The following TRIM42 variants were observed in gnomAD, a reference collection of about 807,000 sequenced individuals.
The protein encoded by TRIM42 is tripartite motif-containing protein 42.
In TRIM42, 59 loss-of-function variants were observed where a neutral mutation model predicts 64.9. That is an observed-to-expected ratio of 0.91 (90% confidence interval 0.74 to 1.13). The LOEUF (loss-of-function observed/expected upper bound fraction) is 1.13. Ranked by LOEUF, TRIM42 falls within the 50% of genes most tolerant of loss-of-function variation. TRIM42 has a pLI of 0.00. For synonymous variants in TRIM42, 354 were observed against 346.3 expected (o/e 1.02, Z -0.25); for missense variants, 878 against 929.5 (o/e 0.94, Z 0.72).
rs141361028 is a variant in TRIM42, at chr3:140,678,379, C to A, written c.150C>A (p.Cys50Ter). The change falls in exon 1 of 5, where the codon TGC (cysteine) becomes TGA (stop). Residue 50 changes from cysteine to a stop codon, truncating the protein, a stop_gained. Transcript: ENST00000286349. LOFTEE classifies it high-confidence loss of function. ...GCCCTTACAAAGATGAGCGGAACTG[C>A]CAGTTCTGCCACTGCACCTGTTCTG... ...FPCPYKDERN[C>*]QFCHCTCSES... 1.2e-6 allele frequency: 2 copies of A among 1,614,216 alleles called. No homozygotes were observed. Among genetic ancestry groups the A allele is most frequent in the Non-Finnish European group, 8.5e-7 (1 of 1,180,038 alleles).
chr3:140,690,735 C>T (rs1473128016), intron 3 of TRIM42, among the ~76,000 whole-genome samples: 1 of 151,782 alleles, frequency 6.6e-6, no homozygotes, highest in Non-Finnish European at 1.5e-5. Context: ...TGTCGACTGA[C>T]AGTAACAGAA....
At chr3:140,678,768 A>G (rs1458686727) in intron 1 of TRIM42, among the ~76,000 whole-genome samples, 198 bp downstream of exon 1, 1 of 152,202 alleles carries the variant, frequency 6.6e-6, no homozygotes, top group African/African-American at 2.4e-5. Context: ...TCCAAATCTA[A>G]GCGCCATTAA....
intron 4 of TRIM42, among the ~76,000 whole-genome samples, chr3:140,698,995 T>C (rs1028268570): frequency 2.0e-5 from 3 of 150,802 alleles, no homozygotes; most frequent in Admixed American, 1.3e-4. Flanking sequence ...ATTTAGTTTT[T>C]ATGGTATATA....
chr3:140,678,454 C>T lies in TRIM42; in HGVS notation c.225C>T (p.Asn75=). 2 of 1,614,202 alleles carry T rather than the reference C, an allele frequency of 1.2e-6. No homozygotes were observed. The highest frequency in any genetic ancestry group is 1.7e-6 in the Non-Finnish European group (2 of 1,180,038). ...WCCCSWANDP[N]CKCCCTASSN... is the part of the protein sequence containing the mutation. Reference sequence around the variant, plus strand: ...GCTGCTCTTGGGCCAATGATCCCAACTGTAAGTGCTGCTGCACAGCCAGCA... The same window carrying T: ...GCTGCTCTTGGGCCAATGATCCCAATTGTAAGTGCTGCTGCACAGCCAGCA... Residue 75 remains asparagine (N), a synonymous_variant, in exon 1 of 5, where the codon AAC becomes AAT. Coordinates refer to ENST00000286349, the MANE Select transcript of TRIM42 (RefSeq NM_152616.5).
At chr3:140,700,171 A>G (rs1371375782) in intron 4 of TRIM42, among the ~76,000 whole-genome samples, 1 of 152,186 alleles carries the variant, frequency 6.6e-6, no homozygotes, top group Admixed American at 6.5e-5. Flanking sequence ...TCTTCAAGGT[A>G]AGGCATGGAG....
At chr3:140,688,604 G>C in intron 3 of TRIM42, 62 bp downstream of exon 3, 3 of 1,385,708 alleles carry the variant, frequency 2.2e-6, no homozygotes, top group Non-Finnish European at 2.0e-6. Flanking sequence ...GTAGAAGTGA[G>C]TAGTCAGGAA....
chr3:140,678,619 G>T, intron 1 of TRIM42, 49 bp downstream of exon 1: 1 of 1,494,050 alleles, frequency 6.7e-7, no homozygotes. Context: ...ATGAAAACTA[G>T]GGACCACTTG....
At chr3:140,682,416 C>T (rs1463499353) in intron 1 of TRIM42, 46 bp from the exon 2 acceptor site, 1 of 1,564,712 alleles carries the variant, frequency 6.4e-7, no homozygotes, top group Admixed American at 1.7e-5. Flanking sequence ...GCAGAGCAAG[C>T]TCTTGAGCCT....
chr3:140,688,259 GC>G lies in TRIM42; in HGVS notation c.1579del (p.Leu527SerfsTer75). The G allele has an allele frequency of 6.2e-7, 1 of 1,614,170 alleles. No individual in the cohort carries two copies. Among genetic ancestry groups the G allele is most frequent in the Non-Finnish European group, 8.5e-7 (1 of 1,180,024 alleles). On this transcript the variant is annotated frameshift_variant, in exon 3 of 5. Coordinates refer to ENST00000286349, the MANE Select transcript of TRIM42 (RefSeq NM_152616.5). LOFTEE classifies it high-confidence loss of function. The part of the protein sequence containing the change: ...IARKVTFSTH[S>X]LGNQHIYQRS... ...AGGAAGGTCACTTTCAGCACCCACA[GC>G]CTCGGCAACCAGCACATATACCAGC...
At chr3:140,692,380 C>G (rs1332310484) in intron 4 of TRIM42, among the ~76,000 whole-genome samples, 1 of 152,036 alleles carries the variant, frequency 6.6e-6, no homozygotes, top group Non-Finnish European at 1.5e-5. Context: ...GTTGCTACCT[C>G]TAGTAATAAA....
intron 4 of TRIM42, among the ~76,000 whole-genome samples, chr3:140,692,443 G>A (rs1362760850): frequency 1.3e-5 from 2 of 151,826 alleles, no homozygotes; most frequent in African/African-American, 4.8e-5. Flanking sequence ...CTCCTAGGGT[G>A]GGACCACTCA....
intron 2 of TRIM42, among the ~76,000 whole-genome samples, chr3:140,684,079 A>G (rs753884541): frequency 2.0e-5 from 3 of 152,144 alleles, no homozygotes; most frequent in Non-Finnish European, 4.4e-5. Flanking sequence ...CTTTACCCCC[A>G]GGAATAGTTC....
intron 1 of TRIM42, 21 bp downstream of exon 1, chr3:140,678,591 G>A (rs1232954312): frequency 6.3e-6 from 10 of 1,596,800 alleles, no homozygotes; most frequent in Non-Finnish European, 8.6e-6. Flanking sequence ...GGCACCAGAT[G>A]TGGGGCCGCA....
intron 2 of TRIM42, among the ~76,000 whole-genome samples, chr3:140,685,766 T>G (rs1265272677): frequency 6.6e-6 from 1 of 152,142 alleles, no homozygotes; most frequent in Non-Finnish European, 1.5e-5. Context: ...CAAATAGAAT[T>G]AGGGACAGAG....
At chr3:140,700,386 C>G (rs1988967054) in intron 4 of TRIM42, among the ~76,000 whole-genome samples, 1 of 152,154 alleles carries the variant, frequency 6.6e-6, no homozygotes, top group Non-Finnish European at 1.5e-5. Flanking sequence ...TCATATACTT[C>G]TCTAAGAATC....
At chr3:140,690,248 T>A (rs1988670234) in intron 3 of TRIM42, among the ~76,000 whole-genome samples, 1 of 152,102 alleles carries the variant, frequency 6.6e-6, no homozygotes, top group Non-Finnish European at 1.5e-5. Context: ...TATGTATTGT[T>A]AATATCATAG....
At chr3:140,686,598 C>T (rs1457365424) in intron 2 of TRIM42, among the ~76,000 whole-genome samples, 1 of 152,144 alleles carries the variant, frequency 6.6e-6, no homozygotes, top group African/African-American at 2.4e-5. Flanking sequence ...TTACAACGAC[C>T]ACCACTCACA....
intron 1 of TRIM42, chr3:140,680,615 A>G (rs1439318944): frequency 2.1e-6 from 2 of 953,686 alleles, no homozygotes; most frequent in Non-Finnish European, 2.5e-6. Context: ...TAAGCAAACT[A>G]AAGTCCATCC....
At chr3:140,691,285 A>T in intron 4 of TRIM42, 93 bp downstream of exon 4, 1 of 1,041,816 alleles carries the variant, frequency 9.6e-7, no homozygotes, top group Non-Finnish European at 1.5e-6. Flanking sequence ...TATAGAACTC[A>T]CTATGGGACT....
Sources: gnomAD v4.1 joint callset for allele counts (sites outside exome capture counted in the v4.1 genomes callset) on GRCh38, gnomAD v4.1.1 for gene constraint, MANE v1.5 for transcripts, NCBI Gene and HGNC (gene_info 2026-07-23, HGNC 2026-07-21) for gene names.